Variants in TAF7L observed in about 807,000 individuals in gnomAD.
The protein encoded by TAF7L is transcription initiation factor TFIID subunit 7-like.
TAF7L carries 6 observed loss-of-function variants against 30.2 expected under a neutral mutation model. The ratio of observed to expected loss-of-function variants is 0.20; its 90% CI spans 0.11 to 0.39. The LOEUF is 0.39. TAF7L is among the 10% of genes least tolerant of loss of function. TAF7L has a pLI of 1.00. For synonymous variants in TAF7L, 93 were observed against 94.5 expected, an observed-to-expected ratio of 0.98 and a Z score of 0.09; for missense variants, 284 against 277.1, an observed-to-expected ratio of 1.03 and a Z score of -0.18.
chrX:101,275,297 T>C lies in TAF7L; in HGVS notation c.1027-16A>G. ...GAAAATGATTCTGAAAAATAAATTG[T>C]ATAAATGATGAACACTGAGTCTCAA... is the stretch of plus-strand genomic sequence containing the variant. On this transcript the variant is annotated splice_polypyrimidine_tract_variant and intron_variant, in intron 11 of 12. Coordinates refer to ENST00000356784, the MANE Select transcript of TAF7L (RefSeq NM_001168474.2). 1 of 1,094,471 alleles carries C rather than the reference T, an allele frequency of 9.1e-7. No individual in the cohort carries two copies. Among genetic ancestry groups the C allele is most frequent in the East Asian group, 3.2e-5 (1 of 31,299 alleles). 90.2% of individuals were successfully genotyped at this position (1,094,471 alleles called of 1,213,427 possible).
intron 1 of TAF7L, among the ~76,000 whole-genome samples, chrX:101,290,514 CTT>C (rs977144032): frequency 8.9e-6 from 1 of 111,805 alleles, no homozygotes; most frequent in African/African-American, 3.2e-5. Flanking sequence ...TCAGTAGTAA[CTT>C]TTAGATTTCT....
chrX:101,275,380 TG>T (rs1924130061), intron 11 of TAF7L, 99 bp from the exon 12 acceptor site: 1 of 648,458 alleles, frequency 1.5e-6, no homozygotes. Context: ...TTTTTGTTTT[TG>T]TTTTTGAGGC....
At chrX:101,287,600 G>A in intron 1 of TAF7L, 55 bp from the exon 2 acceptor site, 2 of 993,184 alleles carry the variant, frequency 2.0e-6, no homozygotes, top group Non-Finnish European at 2.8e-6. Context: ...AACTCCTCTT[G>A]CTCCCTCTCC....
chrX:101,277,746 A>G, intron 8 of TAF7L, 27 bp from the exon 9 acceptor site: 1 of 1,060,868 alleles, frequency 9.4e-7, no homozygotes. Context: ...GTCAAGGAAA[A>G]CACAGAAGGA....
At position 101,277,511 on chromosome X, in the gene TAF7L, T is replaced by G. The variant is rs764216840; in HGVS notation, c.691+95A>C. 9.9e-4 allele frequency: 405 copies of G among 408,435 alleles called. 3 individuals are homozygous for G. Among genetic ancestry groups the G allele is most frequent in the African/African-American group, 9.7e-3 (362 of 37,445 alleles). 33.7% of individuals were successfully genotyped at this position (408,435 alleles called of 1,213,427 possible). The stretch of plus-strand genomic sequence containing the variant: ...CCATCCTTTTTTTCTGGGTTTTTTT[T>G]TTTTTGGATTGGCCTATGAATTTAT... On this transcript the variant is annotated intron_variant, in intron 9 of 12. Coordinates refer to ENST00000356784, the MANE Select transcript of TAF7L (RefSeq NM_001168474.2).
chrX:101,282,470 CAAA>C lies in TAF7L; in HGVS notation c.280-20_280-18del, dbSNP rs1556426563. The C allele has an allele frequency of 5.0e-6, 6 of 1,209,579 alleles. No homozygotes were observed. The highest frequency in any genetic ancestry group is 6.7e-6 in the Non-Finnish European group (6 of 894,522). On this transcript the variant is annotated intron_variant, in intron 4 of 12. Transcript: ENST00000356784. ...CACAAGCATCTACATTTAACAAAGA[CAAA>C]GAAGTTGACTATGACCACGAATTTT...
At chrX:101,286,420 A>G (rs1159018809) in intron 3 of TAF7L, among the ~76,000 whole-genome samples, 155 bp downstream of exon 3, 1 of 111,226 alleles carries the variant, frequency 9.0e-6, no homozygotes, top group East Asian at 2.8e-4. Context: ...TCTTAAAAGA[A>G]GAGGACTTAA....
chrX:101,279,061 G>T, intron 6 of TAF7L, 26 bp from the exon 7 acceptor site: 1 of 1,140,829 alleles, frequency 8.8e-7, no homozygotes, highest in South Asian at 1.9e-5. Flanking sequence ...CAATAAACAA[G>T]TTATATTATG....
Position 101,283,575 on chromosome X carries a change from G to T in TAF7L, c.154C>A (p.Arg52Ser), listed in dbSNP as rs145455495. 2.5e-6 allele frequency: 3 copies of T among 1,208,923 alleles called. No homozygotes were observed. The highest frequency in any genetic ancestry group is 3.4e-6 in the Non-Finnish European group (3 of 894,764). ...TCTTCTACTTCAACAACTGCATGGC[G>T]CCCATCAGCTGAAGAGAAGTAAAGA... ...KLKIDLLPDGRHAVVEVEDVP... is the reference protein window; with the variant it reads ...KLKIDLLPDGSHAVVEVEDVP... The change falls in exon 4 of 13, where the codon CGC becomes AGC. Residue 52 changes from arginine (R) to serine (S), a missense_variant. By Grantham distance (110) the Arg-to-Ser change is moderately radical (BLOSUM62 -1). Transcript: ENST00000356784.
Position 101,287,643 on chromosome X carries a change from C to T in TAF7L, c.-2-98G>A, listed in dbSNP as rs750132997. The T allele has an allele frequency of 2.2e-5, 13 of 585,261 alleles. No individual in the cohort carries two copies. In the African/African-American group the frequency reaches 2.3e-4, roughly 10 times the overall value. The allele number at this position is 585,261 out of a possible 1,213,427, so 48.2% of individuals were successfully genotyped here. A position where few individuals can be genotyped will look rare whatever the true frequency, so the allele number is the denominator to read the frequency against. The stretch of plus-strand genomic sequence containing the variant: ...TTCTGGTAGTACTGGCTAAATTATA[C>T]AAGATCTTGCCCATAATCCTCACTA... On this transcript the variant is annotated intron_variant, in intron 1 of 12. Coordinates refer to ENST00000356784, the MANE Select transcript of TAF7L (RefSeq NM_001168474.2).
intron 9 of TAF7L, 67 bp from the exon 10 acceptor site, chrX:101,276,595 T>C: frequency 9.3e-7 from 1 of 1,079,591 alleles, no homozygotes; most frequent in Non-Finnish European, 1.3e-6. Flanking sequence ...ACTCCAGATA[T>C]AATTATACTC....
At chrX:101,277,903 G>T in intron 8 of TAF7L, 146 bp downstream of exon 8, 1 of 558,271 alleles carries the variant, frequency 1.8e-6, no homozygotes, top group Non-Finnish European at 2.9e-6. Context: ...TCTATTACAT[G>T]AATTTACTGT....
At chrX:101,278,015 C>T (rs201023362) in intron 8 of TAF7L, 34 bp downstream of exon 8, 65 of 1,164,979 alleles carry the variant, frequency 5.6e-5, no homozygotes, top group Admixed American at 2.2e-4. Context: ...TGGGGCAGAA[C>T]AGACTATGCA....
Position 101,269,257 on chromosome X carries a change from G to C in TAF7L, c.1087-20C>G. The C allele has an allele frequency of 8.4e-7, 1 of 1,188,415 alleles. No individual in the cohort carries two copies. On this transcript the variant is annotated intron_variant, in intron 12 of 12. Transcript: ENST00000356784. Reference sequence around the variant, plus strand: ...AATGAGCTGTAGGGAGAGGTAGAAAGACATGAAAAATTCATTTGAAATTTG... The same window carrying C: ...AATGAGCTGTAGGGAGAGGTAGAAACACATGAAAAATTCATTTGAAATTTG...
chrX:101,270,080 A>G (rs1923919360), intron 12 of TAF7L, among the ~76,000 whole-genome samples: 1 of 111,792 alleles, frequency 8.9e-6, no homozygotes, highest in African/African-American at 3.3e-5. Context: ...CTGACCAATC[A>G]GGAGCCTGAT....
In TAF7L at chrX:101,276,497, A is replaced by G. The variant is rs1924190884; in HGVS notation, c.723T>C (p.Asp241=). Residue 241 remains aspartate (D), a synonymous_variant, in exon 10 of 13, where the codon GAT becomes GAC. Transcript: ENST00000356784. ...CATCATCATCATTGTTACTTCTAGA[A>G]TCACTGAACATCTCCCGAAGCATAT... ...EYDMLREMFS[D]SRSNNDDDED... 2 of 1,208,467 alleles carry G rather than the reference A, an allele frequency of 1.7e-6. No homozygotes were observed. Among genetic ancestry groups the G allele is most frequent in the African/African-American group, 3.5e-5 (2 of 56,830 alleles).
In TAF7L at chrX:101,269,170, G is replaced by A; in HGVS notation, c.*23C>T. 2 of 1,203,406 alleles carry A rather than the reference G, an allele frequency of 1.7e-6. No homozygotes were observed. Among genetic ancestry groups the A allele is most frequent in the Non-Finnish European group, 2.2e-6 (2 of 889,379 alleles). On this transcript the variant is annotated 3_prime_UTR_variant, in exon 13 of 13. Transcript: ENST00000356784. ...AGTCTGGATGGTGAATCCAAGGTTT[G>A]TGGGCCACGCCAATGGCTCTCCTCA...
At chrX:101,292,765 G>C, upstream of TAF7L, 2 of 1,197,734 alleles carry the variant, frequency 1.7e-6, no homozygotes, top group Non-Finnish European at 2.3e-6. Context: ...CTCGGCTGGG[G>C]GAACAAGCTT....
In TAF7L at chrX:101,283,493, G is replaced by A. The variant is rs368735512; in HGVS notation, c.236C>T (p.Thr79Met). 4.2e-5 allele frequency: 51 copies of A among 1,209,991 alleles called. No homozygotes were observed. Among genetic ancestry groups the A allele is most frequent in the East Asian group, 3.3e-4 (11 of 33,785 alleles). The change falls in exon 4 of 13, where the codon ACG (threonine) becomes ATG (methionine). Residue 79 changes from threonine to methionine, a missense_variant. Thr to Met is a moderately conservative substitution (Grantham distance 81). Coordinates refer to ENST00000356784, the MANE Select transcript of TAF7L (RefSeq NM_001168474.2). ...DLPCVIESLR[T>M]LDKKTFYKTA... ...TTTATAAAAGGTTTTTTTATCAAGC[G>A]TTCTCAGGCTTTCAATAACACAAGG...
Sources: gnomAD v4.1 joint callset for allele counts (sites outside exome capture counted in the v4.1 genomes callset) on GRCh38, gnomAD v4.1.1 for gene constraint, MANE v1.5 for transcripts, NCBI Gene and HGNC (gene_info 2026-07-23, HGNC 2026-07-21) for gene names.